Variants in TMEM132A observed in about 807,000 individuals in gnomAD.
TMEM132A encodes the protein GRP78-binding protein.
TMEM132A carries 48 observed loss-of-function variants against 69.9 expected under a neutral mutation model. The ratio of observed to expected loss-of-function variants is 0.69; its 90% confidence interval spans 0.55 to 0.87. The LOEUF (loss-of-function observed/expected upper bound fraction) is 0.87, where lower values mean the gene tolerates loss of function less well. TMEM132A is among the 40% of genes least tolerant of loss of function. The pLI, the probability that TMEM132A is intolerant of heterozygous loss-of-function variation, is 0.00. For missense variants in TMEM132A, 1,287 were observed against 1,407.2 expected, an observed-to-expected ratio of 0.91 and a Z score of 1.37; for synonymous variants, 577 against 613.7, an observed-to-expected ratio of 0.94 and a Z score of 0.88.
chr11:60,924,715 G>T lies in TMEM132A; in HGVS notation c.82G>T (p.Ala28Ser). 2 of 1,583,442 alleles carry T rather than the reference G, an allele frequency of 1.3e-6. No homozygotes were observed. The highest frequency in any genetic ancestry group is 1.7e-6 in the Non-Finnish European group (2 of 1,172,392). The change falls in exon 1 of 11, where the codon GCC becomes TCC. Residue 28 changes from alanine to serine, a missense_variant. Physicochemically the swap from Ala to Ser is moderately conservative, Grantham distance 99. Transcript: ENST00000453848. ...CTGGCTCTGCCTCCTGGTGGCCCTC[G>T]CCCTGGACGTCGTGAGAGGTCAGCG... The part of the protein sequence containing the change: ...GPWLCLLVAL[A>S]LDVVRVDCGQ...
rs765219109 is a variant in TMEM132A at position 60,933,562 on chromosome 11, C to T, written c.1377C>T (p.Ala459=). 1.4e-5 allele frequency: 23 copies of T among 1,607,488 alleles called. No individual in the cohort carries two copies. In the South Asian group the frequency reaches 2.5e-4, roughly 18 times the overall value. ...QVLQVSEACD[A]VFVAGKESRG... ...CATAGGTGTCTGAGGCCTGTGATGCCGTGTTCGTGGCTGGCAAGGAGAGCC... is the reference window on the plus strand; with the variant it reads ...CATAGGTGTCTGAGGCCTGTGATGCTGTGTTCGTGGCTGGCAAGGAGAGCC... The change falls in exon 8 of 11, where the codon GCC becomes GCT. Residue 459 remains alanine (A), a synonymous_variant. Coordinates refer to ENST00000453848, the MANE Select transcript of TMEM132A (RefSeq NM_178031.3).
chr11:60,930,597 C>T lies in TMEM132A; in HGVS notation c.954C>T (p.Gly318=), dbSNP rs1303486765. ...LWTAKLDRFK[G]SRHHTTLITC... ...CTGCCAAGCTGGACCGCTTCAAGGGCTCCAGGCACCACACCACCCTCATCA... is the reference window on the plus strand; with the variant it reads ...CTGCCAAGCTGGACCGCTTCAAGGGTTCCAGGCACCACACCACCCTCATCA... The change falls in exon 5 of 11, where the codon GGC becomes GGT. Residue 318 remains glycine (G), a synonymous_variant. Transcript: ENST00000453848. 1.2e-6 allele frequency: 2 copies of T among 1,613,620 alleles called. No individual in the cohort carries two copies. The highest frequency in any genetic ancestry group is 1.7e-6 in the Non-Finnish European group (2 of 1,179,904).
At chr11:60,929,614 A>G (rs1856431886) in intron 4 of TMEM132A, among the ~76,000 whole-genome samples, 1 of 152,180 alleles carries the variant, frequency 6.6e-6, no homozygotes, top group Admixed American at 6.5e-5. Context: ...TAGGCAGGAT[A>G]GTCCTGGGCT....
rs1856314157 is a variant in TMEM132A, at chr11:60,924,776, G to A, written c.100+43G>A. ...GCCGGGGCGAGGGGCGGCCGGGCCCGGCCGAGTGGGAGCGAGTGATGCCCG... is the reference window on the plus strand; with the variant it reads ...GCCGGGGCGAGGGGCGGCCGGGCCCAGCCGAGTGGGAGCGAGTGATGCCCG... On this transcript the variant is annotated intron_variant, in intron 1 of 10. Coordinates refer to ENST00000453848, the MANE Select transcript of TMEM132A (RefSeq NM_178031.3). 3.6e-6 allele frequency: 5 copies of A among 1,369,884 alleles called. No homozygotes were observed. The South Asian group carries it at 4.0e-5, about 11-fold the overall frequency. The allele number at this position is 1,369,884 out of a possible 1,614,324, so 84.9% of individuals were successfully genotyped here.
In TMEM132A at chr11:60,934,524, C is replaced by T. The variant is rs922221412; in HGVS notation, c.1596C>T (p.Ala532=). Residue 532 remains alanine, a synonymous_variant, in exon 9 of 11, where the codon GCC becomes GCT. Coordinates refer to ENST00000453848, the MANE Select transcript of TMEM132A (RefSeq NM_178031.3). ...CCGCTGCAGAGGCGTCGGATGAGGC[C>T]GAGCGGCGCGCCCGTGGCTGCCACC... is the stretch of plus-strand genomic sequence containing the variant. ...AEPAAEASDE[A]ERRARGCHLQ... is the part of the protein sequence containing the mutation. 28 of 1,449,776 alleles carry T rather than the reference C, an allele frequency of 1.9e-5. No individual in the cohort carries two copies. Among genetic ancestry groups the T allele is most frequent in the Non-Finnish European group, 2.0e-5 (22 of 1,111,076 alleles). The allele number at this position is 1,449,776 out of a possible 1,614,324, so 89.8% of individuals were successfully genotyped here.
Position 60,928,830 on chromosome 11 carries a change from C to A in TMEM132A, c.736C>A (p.Gln246Lys). Residue 246 changes from glutamine to lysine, a missense_variant, in exon 4 of 11, where the codon CAG becomes AAG. By Grantham distance (53) the Gln-to-Lys change is moderately conservative. Coordinates refer to ENST00000453848, the MANE Select transcript of TMEM132A (RefSeq NM_178031.3). Reference protein sequence around the residue: ...GVELRPADPPQYQEVPLDEAV... With the variant: ...GVELRPADPPKYQEVPLDEAV... ...GGAGCTGCGCCCAGCAGACCCCCCG[C>A]AGTACCAGGAGGTACCTCTGGACGA... The A allele has an allele frequency of 6.2e-7, 1 of 1,612,448 alleles. No homozygotes were observed. The highest frequency in any genetic ancestry group is 8.5e-7 in the Non-Finnish European group (1 of 1,179,898).
At chr11:60,927,889 C>A in intron 3 of TMEM132A, 30 bp downstream of exon 3, 1 of 1,573,512 alleles carries the variant, frequency 6.4e-7, no homozygotes, top group South Asian at 1.1e-5. Context: ...CTAGGCTGGT[C>A]CTGCTGCAGC....
At position 60,932,113 on chromosome 11, in the gene TMEM132A, AC is replaced by A; in HGVS notation, c.1343del (p.Thr448AsnfsTer41). On this transcript the variant is annotated frameshift_variant, in exon 7 of 11. Coordinates refer to ENST00000453848, the MANE Select transcript of TMEM132A (RefSeq NM_178031.3). LOFTEE classifies it high-confidence loss of function. ...TEHVGCESAN[T>X]QVLQVSEACD... ...GCATGTCGGCTGCGAGTCTGCCAACACACAGGTCCTGCAGGTGAGTGGCAGG... is the reference window on the plus strand; with the variant it reads ...GCATGTCGGCTGCGAGTCTGCCAACAACAGGTCCTGCAGGTGAGTGGCAGG... 1 of 1,543,284 alleles carries A rather than the reference AC, an allele frequency of 6.5e-7. No homozygotes were observed. Among genetic ancestry groups the A allele is most frequent in the Non-Finnish European group, 8.7e-7 (1 of 1,148,496 alleles).
chr11:60,933,257 A>T (rs1856518162), intron 7 of TMEM132A: 1 of 465,752 alleles, frequency 2.1e-6, no homozygotes, highest in African/African-American at 2.0e-5. Flanking sequence ...AGTCCGGCTC[A>T]CTGCAGTCTC....
In TMEM132A at chr11:60,936,544, G is replaced by A. The variant is rs1198693925; in HGVS notation, c.2709G>A (p.Glu903=). The change falls in exon 11 of 11, where the codon GAG becomes GAA. Residue 903 remains glutamate, a synonymous_variant. Transcript: ENST00000453848. The stretch of plus-strand genomic sequence containing the variant: ...GGGTCTGGCTGGGCACTGACCAGGA[G>A]GAACTGAGCCGCCAGCTGGACCGGC... ...HNWVWLGTDQ[E]ELSRQLDRQS... is the part of the protein sequence containing the mutation. 2 of 1,612,240 alleles carry A rather than the reference G, an allele frequency of 1.2e-6. No individual in the cohort carries two copies. Among genetic ancestry groups the A allele is most frequent in the Admixed American group, 3.3e-5 (2 of 59,990 alleles).
rs149956203 is a variant in TMEM132A, at chr11:60,928,761, G to A, written c.667G>A (p.Glu223Lys). The A allele has an allele frequency of 1.3e-5, 21 of 1,608,626 alleles. No homozygotes were observed. In the East Asian group the frequency reaches 2.5e-4, roughly 19 times the overall value. ...GGGCCCTGGGGGCTGTGGCTCCGGCGAGGAGAACGACCCTGGGGAGCAGGC... is the reference window on the plus strand; with the variant it reads ...GGGCCCTGGGGGCTGTGGCTCCGGCAAGGAGAACGACCCTGGGGAGCAGGC... ...AEGPGGCGSGEENDPGEQALP... is the reference protein window; with the variant it reads ...AEGPGGCGSGKENDPGEQALP... The change falls in exon 4 of 11, where the codon GAG becomes AAG. Residue 223 changes from glutamate to lysine, a missense_variant. Coordinates refer to ENST00000453848, the MANE Select transcript of TMEM132A (RefSeq NM_178031.3).
chr11:60,927,576 C>T, intron 2 of TMEM132A, 65 bp from the exon 3 acceptor site: 1 of 1,489,308 alleles, frequency 6.7e-7, no homozygotes, highest in Non-Finnish European at 9.1e-7. Context: ...AAGCTGGGAT[C>T]CCATCTTCCT....
Position 60,932,044 on chromosome 11 carries a change from C to T in TMEM132A, c.1273C>T (p.Leu425Phe), listed in dbSNP as rs1430211601. 6.3e-7 allele frequency: 1 copy of T among 1,596,118 alleles called. No individual in the cohort carries two copies. Among genetic ancestry groups the T allele is most frequent in the African/African-American group, 1.3e-5 (1 of 74,326 alleles). ...TGVPQHVPVR[L>F]VTVDGGGALV... Reference sequence around the variant, plus strand: ...AGTGCCCCAGCATGTCCCCGTGCGCCTTGTCACTGTGGACGGCGGGGGGGC... The same window carrying T: ...AGTGCCCCAGCATGTCCCCGTGCGCTTTGTCACTGTGGACGGCGGGGGGGC... Residue 425 changes from leucine to phenylalanine, a missense_variant, in exon 7 of 11, where the codon CTT becomes TTT. Leu to Phe is a conservative substitution (Grantham distance 22). Coordinates refer to ENST00000453848, the MANE Select transcript of TMEM132A (RefSeq NM_178031.3).
chr11:60,935,636 T>C lies in TMEM132A; in HGVS notation c.2028+193T>C, dbSNP rs750516258. 1.3e-5 allele frequency: 10 copies of C among 780,286 alleles called. No homozygotes were observed. The highest frequency in any genetic ancestry group is 1.6e-5 in the Non-Finnish European group (8 of 499,132). The allele number at this position is 780,286 out of a possible 1,614,324, so 48.3% of individuals were successfully genotyped here. A position where few individuals can be genotyped will look rare whatever the true frequency, so the allele number is the denominator to read the frequency against. On this transcript the variant is annotated intron_variant, in intron 10 of 10. Transcript: ENST00000453848. This position sits in a 1 kb window ranked among gnomAD's most constrained non-coding sequence, Gnocchi z 5.0. ...TGGCTGGAGTATGGCAGTGGGAGGTTGGTTAGATGGCTCTAACTGAGGACC... is the reference window on the plus strand; with the variant it reads ...TGGCTGGAGTATGGCAGTGGGAGGTCGGTTAGATGGCTCTAACTGAGGACC...
At position 60,937,026 on chromosome 11, in the gene TMEM132A, C is replaced by G. The variant is rs1261152769; in HGVS notation, c.*119C>G. ...TGTTGATCCAAGTCCCCTGCCTGGT[C>G]CCCCACAAGGACTCCCATCCAGGCC... is the stretch of plus-strand genomic sequence containing the variant. On this transcript the variant is annotated 3_prime_UTR_variant, in exon 11 of 11. Coordinates refer to ENST00000453848, the MANE Select transcript of TMEM132A (RefSeq NM_178031.3). 2.4e-6 allele frequency: 3 copies of G among 1,270,572 alleles called. No individual in the cohort carries two copies. Among genetic ancestry groups the G allele is most frequent in the African/African-American group, 1.5e-5 (1 of 66,678 alleles). The allele number at this position is 1,270,572 out of a possible 1,614,324, so 78.7% of individuals were successfully genotyped here.
chr11:60,927,418 G>A lies in TMEM132A; in HGVS notation c.315G>A (p.Gln105=). 1.9e-6 allele frequency: 3 copies of A among 1,609,924 alleles called. No homozygotes were observed. Among genetic ancestry groups the A allele is most frequent in the South Asian group, 2.2e-5 (2 of 90,782 alleles). ...CCTACCCACCTTTTGCCACTCAGCA[G>A]GTAAGGAGGGGGCACCGGGGACTCT... is the stretch of plus-strand genomic sequence containing the variant. ...RASYPPFATQ[Q]VVPPRVTEPH... The change falls in exon 2 of 11, where the codon CAG becomes CAA. Residue 105 remains glutamine (Q), a splice_region_variant and synonymous_variant. Coordinates refer to ENST00000453848, the MANE Select transcript of TMEM132A (RefSeq NM_178031.3).
At chr11:60,928,179 A>T (rs1252190241) in intron 3 of TMEM132A, among the ~76,000 whole-genome samples, 1 of 152,240 alleles carries the variant, frequency 6.6e-6, no homozygotes, top group East Asian at 1.9e-4. Context: ...ATGTAAGGAT[A>T]GCTTACGGCA....
chr11:60,931,733 A>G lies in TMEM132A; in HGVS notation c.1061A>G (p.Glu354Gly). 1 of 1,614,078 alleles carries G rather than the reference A, an allele frequency of 6.2e-7. No homozygotes were observed. Among genetic ancestry groups the G allele is most frequent in the Non-Finnish European group, 8.5e-7 (1 of 1,179,996 alleles). Reference protein sequence around the residue: ...SEFLWVDFVVENSTGGGVAVT... With the variant: ...SEFLWVDFVVGNSTGGGVAVT... ...TTCCTATGGGTGGACTTTGTGGTGGAGAATAGCACTGGTGGGGGCGTAGCG... is the reference window on the plus strand; with the variant it reads ...TTCCTATGGGTGGACTTTGTGGTGGGGAATAGCACTGGTGGGGGCGTAGCG... Residue 354 changes from glutamate to glycine, a missense_variant, in exon 6 of 11, where the codon GAG (glutamate) becomes GGG (glycine). By Grantham distance (98) the Glu-to-Gly change is moderately conservative. Transcript: ENST00000453848.
At chr11:60,933,510 A>T (rs966527903) in intron 7 of TMEM132A, 32 bp from the exon 8 acceptor site, 6 of 1,581,746 alleles carry the variant, frequency 3.8e-6, no homozygotes, top group Non-Finnish European at 5.1e-6. Context: ...TTAGTGGCTT[A>T]GCCCGCCCAC....
Sources: allele counts gnomAD v4.1 joint callset (sites outside exome capture counted in the v4.1 genomes callset), GRCh38; gene constraint gnomAD v4.1.1; non-coding constraint Gnocchi (gnomAD v3.1); transcripts MANE v1.5; gene names NCBI Gene and HGNC (gene_info 2026-07-23, HGNC 2026-07-21).